The following LIPC variants were observed in gnomAD, a reference collection of about 807,000 sequenced individuals.
LIPC encodes the protein hepatic triacylglycerol lipase.
In LIPC, 44 loss-of-function variants were observed where a neutral mutation model predicts 50.7. The observed-to-expected ratio is 0.87, with a 90% CI of 0.68 to 1.11. The LOEUF (loss-of-function observed/expected upper bound fraction) is 1.11, where lower values mean the gene tolerates loss of function less well. LIPC is among the 50% of genes most tolerant of loss of function. The pLI, the probability that LIPC is intolerant of heterozygous loss-of-function variation, is 0.00. For synonymous variants in LIPC, 271 were observed against 256.4 expected, an observed-to-expected ratio of 1.06 and a Z score of -0.54; for missense variants, 697 against 648.2, an observed-to-expected ratio of 1.08 and a Z score of -0.82.
intron 1 of LIPC, among the ~76,000 whole-genome samples, chr15:58,442,875 C>A (rs1202488586): frequency 6.6e-6 from 1 of 152,226 alleles, no homozygotes; most frequent in African/African-American, 2.4e-5. Flanking sequence ...TCAGAGCCCA[C>A]ATGGGTATCT....
chr15:58,530,023 G>C (rs1329775399), intron 1 of LIPC, among the ~76,000 whole-genome samples: 1 of 152,252 alleles, frequency 6.6e-6, no homozygotes, highest in East Asian at 1.9e-4. Context: ...TGGTAAAACG[G>C]ATTCTCGCCA....
intron 1 of LIPC, chr15:58,454,921 C>T (rs1248793978): frequency 6.6e-6 from 1 of 152,198 alleles, no homozygotes; most frequent in African/African-American, 2.4e-5. Flanking sequence ...ATAGAACTTA[C>T]AATGAAACAA....
chr15:58,565,219 C>T, intron 8 of LIPC: 1 of 1,535,738 alleles, frequency 6.5e-7, no homozygotes. Context: ...AAACTGCTCG[C>T]TCCTCTTCTG....
intron 1 of LIPC, among the ~76,000 whole-genome samples, chr15:58,468,801 TA>T (rs1894670755): frequency 6.6e-6 from 1 of 152,160 alleles, no homozygotes; most frequent in Non-Finnish European, 1.5e-5. Context: ...GGAACTCTGC[TA>T]GGCTGGTAAT....
chr15:58,438,969 G>A (rs1893409400), intron 1 of LIPC, among the ~76,000 whole-genome samples: 1 of 152,252 alleles, frequency 6.6e-6, no homozygotes, highest in South Asian at 2.1e-4. Flanking sequence ...TGCATGGAAT[G>A]CAAGCGGAGG....
intron 1 of LIPC, among the ~76,000 whole-genome samples, chr15:58,487,649 A>G (rs142263387): frequency 5.3e-5 from 8 of 152,320 alleles, no homozygotes; most frequent in Non-Finnish European, 1.0e-4. Flanking sequence ...AGTACATGCC[A>G]TCATCCAGAA....
chr15:58,563,082 T>G (rs1052721065), intron 7 of LIPC, among the ~76,000 whole-genome samples: 1 of 152,186 alleles, frequency 6.6e-6, no homozygotes, highest in African/African-American at 2.4e-5. Context: ...AGGTTTCTAT[T>G]TATATGGGGG....
chr15:58,472,234 G>A (rs1432537764), intron 1 of LIPC, among the ~76,000 whole-genome samples: 2 of 131,982 alleles, frequency 1.5e-5, no homozygotes, highest in Non-Finnish European at 3.1e-5. Context: ...TTGCACCATT[G>A]CACTCCACCC....
intron 1 of LIPC, among the ~76,000 whole-genome samples, chr15:58,498,292 A>C (rs1340669051): frequency 6.6e-6 from 1 of 152,104 alleles, no homozygotes; most frequent in Non-Finnish European, 1.5e-5. Flanking sequence ...ATGTGGTTCA[A>C]TAGGTCTAGA....
intron 1 of LIPC, among the ~76,000 whole-genome samples, chr15:58,504,103 C>T (rs1225997917): frequency 2.0e-5 from 3 of 152,204 alleles, no homozygotes; most frequent in African/African-American, 4.8e-5. Context: ...TTTCAAGTCT[C>T]ATCCAACAGA....
chr15:58,554,241 G>A (rs537415156), intron 6 of LIPC, among the ~76,000 whole-genome samples: 5 of 152,214 alleles, frequency 3.3e-5, no homozygotes, highest in East Asian at 1.9e-4. Flanking sequence ...GAGACTCTCC[G>A]GAGGCCTCAG....
intron 1 of LIPC, chr15:58,454,700 C>T (rs187046998): frequency 1.6e-4 from 25 of 152,382 alleles, no homozygotes; most frequent in African/African-American, 5.5e-4. Flanking sequence ...TTTAAGACTT[C>T]TGATGCTCAC....
At chr15:58,523,121 G>A (rs11071386) in intron 1 of LIPC, 84,104 of 152,180 alleles carry the variant, frequency 0.55, 24,927 homozygotes, top group Admixed American at 0.68. Context: ...CCTGCCAAAT[G>A]AGCGGGCACC....
At chr15:58,446,819 A>G (rs1256077066) in intron 1 of LIPC, among the ~76,000 whole-genome samples, 1 of 152,126 alleles carries the variant, frequency 6.6e-6, no homozygotes, top group Non-Finnish European at 1.5e-5. Flanking sequence ...TTGAATCTTC[A>G]TCAGAGGGCT....
chr15:58,504,806 C>T (rs757977669), intron 1 of LIPC, among the ~76,000 whole-genome samples: 4 of 152,186 alleles, frequency 2.6e-5, no homozygotes, highest in African/African-American at 7.2e-5. Context: ...TCTCTAAGCA[C>T]GACCCAGTGT....
At chr15:58,530,275 C>T (rs1490448374) in intron 1 of LIPC, among the ~76,000 whole-genome samples, 1 of 152,196 alleles carries the variant, frequency 6.6e-6, no homozygotes, top group Admixed American at 6.5e-5. Flanking sequence ...ACCTTCCGGA[C>T]ATGCCAAGTC....
intron 1 of LIPC, among the ~76,000 whole-genome samples, chr15:58,483,483 G>C (rs1039456481): frequency 6.6e-6 from 1 of 152,178 alleles, no homozygotes; most frequent in African/African-American, 2.4e-5. Context: ...CAGAGGTTTT[G>C]CAGGATGTGG....
intron 8 of LIPC, 130 bp downstream of exon 8, chr15:58,563,853 C>T: frequency 1.2e-6 from 1 of 814,034 alleles, no homozygotes; most frequent in Admixed American, 2.0e-5. Context: ...AGTACAGAAG[C>T]TCAGAAAGGT....
At chr15:58,447,392 C>G (rs1893735253) in intron 1 of LIPC, among the ~76,000 whole-genome samples, 1 of 152,252 alleles carries the variant, frequency 6.6e-6, no homozygotes, top group African/African-American at 2.4e-5. Context: ...CTCCAGACCA[C>G]AAGTCTTCTC....
Sources: allele counts gnomAD v4.1 joint callset (sites outside exome capture counted in the v4.1 genomes callset), GRCh38; gene constraint gnomAD v4.1.1; transcripts MANE v1.5; gene names NCBI Gene and HGNC (gene_info 2026-07-23, HGNC 2026-07-21).